The following MYB variants were observed in gnomAD, a reference collection of about 807,000 sequenced individuals.
The protein encoded by MYB is MYB proto-oncogene, transcription factor.
MYB carries 28 observed loss-of-function variants against 92.9 expected under a neutral mutation model. The observed-to-expected ratio is 0.30, with a 90% CI of 0.22 to 0.41. The LOEUF is 0.41. MYB is among the 10% of genes least tolerant of loss of function. The pLI is 1.00. For synonymous variants in MYB, 295 were observed against 329.1 expected (o/e 0.90, Z 1.12); for missense variants, 679 against 929.3 (o/e 0.73, Z 3.50).
intron 3 of MYB, among the ~76,000 whole-genome samples, chr6:135,188,835 A>C (rs1189995567): frequency 6.6e-6 from 1 of 152,012 alleles, no homozygotes. Context: ...CATTCATCCC[A>C]AACACCATTG....
chr6:135,192,279 T>C lies in MYB; in HGVS notation c.528-45T>C, dbSNP rs1233672019. On this transcript the variant is annotated intron_variant, in intron 5 of 15. Transcript: ENST00000341911. ...TTCTGTCAATTCACTTTAATCTGAATTGAAATTTTTGTTTGTGAAATTTGT... is the reference window on the plus strand; with the variant it reads ...TTCTGTCAATTCACTTTAATCTGAACTGAAATTTTTGTTTGTGAAATTTGT... The C allele has an allele frequency of 4.7e-6, 7 of 1,500,570 alleles. No individual in the cohort carries two copies. The African/African-American group carries it at 6.9e-5, about 15-fold the overall frequency. 93.0% of individuals were successfully genotyped at this position (1,500,570 alleles called of 1,614,324 possible).
intron 2 of MYB, among the ~76,000 whole-genome samples, chr6:135,186,742 C>T (rs534258167): frequency 1.3e-5 from 2 of 152,072 alleles, no homozygotes; most frequent in Admixed American, 1.3e-4. Flanking sequence ...GTTTCTTTTT[C>T]GGCTGGCTTA....
At chr6:135,203,694 A>AT (rs1562387730) in intron 15 of MYB, 3 of 1,428,710 alleles carry the variant, frequency 2.1e-6, no homozygotes, top group South Asian at 2.5e-5. Context: ...CAAATTTTTT[A>AT]TTTTTTATGC....
At chr6:135,214,198 C>A (rs1416981117) in intron 15 of MYB, among the ~76,000 whole-genome samples, 1 of 151,998 alleles carries the variant, frequency 6.6e-6, no homozygotes, top group African/African-American at 2.4e-5. Flanking sequence ...GGGAGGCTTG[C>A]TTGAGGCCAG....
intron 15 of MYB, chr6:135,203,602 A>C: frequency 1.2e-6 from 1 of 824,286 alleles, no homozygotes; most frequent in Non-Finnish European, 1.9e-6. Context: ...ACTGAGACTA[A>C]GATGTATTAC....
At chr6:135,200,709 T>A in intron 13 of MYB, 3 of 360,376 alleles carry the variant, frequency 8.3e-6, no homozygotes, top group Non-Finnish European at 1.1e-5. Flanking sequence ...ACTGATTATA[T>A]AAAGTTGATA....
In MYB at chr6:135,190,910, C is replaced by G. The variant is rs545984838; in HGVS notation, c.527+563C>G. Among the ~76,000 whole-genome samples the G allele has an allele frequency of 6.6e-6, 1 of 152,150 alleles. No individual in the cohort carries two copies. The highest frequency in any genetic ancestry group is 1.5e-5 in the Non-Finnish European group (1 of 68,018). ...CTCCTGGGCTCAAGGGATCCTCCCA[C>G]CTCAGCTTCTTGAGTAGCTAGGACT... On this transcript the variant is annotated intron_variant, in intron 5 of 15. Transcript: ENST00000341911. The surrounding 1 kb of genome is among the most constrained non-coding windows in gnomAD (Gnocchi z 4.5).
intron 1 of MYB, 69 bp from the exon 2 acceptor site, chr6:135,185,834 G>A (rs1775837876): frequency 3.2e-6 from 4 of 1,251,120 alleles, no homozygotes; most frequent in African/African-American, 3.0e-5. Context: ...TTTTGTGTAA[G>A]TTTTGTAATC....
chr6:135,189,442 T>G (rs915360040), intron 3 of MYB, among the ~76,000 whole-genome samples: 1 of 152,228 alleles, frequency 6.6e-6, no homozygotes, highest in African/African-American at 2.4e-5. Context: ...CATGAAAGCC[T>G]GACAACATAG....
chr6:135,196,885 ATC>A (rs1010325144), intron 9 of MYB, 74 bp from the exon 10 acceptor site: 7 of 1,585,150 alleles, frequency 4.4e-6, no homozygotes, highest in South Asian at 2.3e-5. Context: ...TGCGTTGAGC[ATC>A]TCTCTCTCAG....
Position 135,217,974 on chromosome 6 carries a change from C to A in MYB, c.2280C>A (p.Val760=). The A allele has an allele frequency of 6.3e-7, 1 of 1,593,898 alleles. No homozygotes were observed. Among genetic ancestry groups the A allele is most frequent in the South Asian group, 1.1e-5 (1 of 90,618 alleles). Residue 760 remains valine, a synonymous_variant, in exon 16 of 16, where the codon GTC becomes GTA. Coordinates refer to ENST00000341911, the MANE Select transcript of MYB (RefSeq NM_001130173.2). ...YVNAFSARTL[V]M Reference sequence around the variant, plus strand: ...ATGCATTCTCAGCCCGGACGCTGGTCATGTGAGACATTTCCAGAAAAGCAT... The same window carrying A: ...ATGCATTCTCAGCCCGGACGCTGGTAATGTGAGACATTTCCAGAAAAGCAT...
In MYB at chr6:135,195,775, G is replaced by C; in HGVS notation, c.976G>C (p.Gly326Arg). ...ACAGAACCACACATGCAGCTACCCC[G>C]GGTGGCACAGCACCACCATTGCCGA... Reference protein sequence around the residue: ...PTQNHTCSYPGWHSTTIADHT... With the variant: ...PTQNHTCSYPRWHSTTIADHT... The change falls in exon 9 of 16, where the codon GGG becomes CGG. Residue 326 changes from glycine (G) to arginine (R), a missense_variant. Transcript: ENST00000341911. 6.2e-7 allele frequency: 1 copy of C among 1,613,918 alleles called. No individual in the cohort carries two copies. Among genetic ancestry groups the C allele is most frequent in the Non-Finnish European group, 8.5e-7 (1 of 1,179,966 alleles).
chr6:135,194,287 G>T, intron 7 of MYB, 69 bp from the exon 8 acceptor site: 1 of 1,200,950 alleles, frequency 8.3e-7, no homozygotes, highest in Non-Finnish European at 1.2e-6. Context: ...GACCATATTG[G>T]CTACACCCAT....
At chr6:135,203,909 G>C in intron 15 of MYB, 3 of 1,150,100 alleles carry the variant, frequency 2.6e-6, no homozygotes, top group Non-Finnish European at 3.3e-6. Flanking sequence ...AAGTGGGTGT[G>C]TGTTGATGAA....
At chr6:135,187,977 G>A (rs989829898) in intron 3 of MYB, 72 bp downstream of exon 3, 8 of 1,116,246 alleles carry the variant, frequency 7.2e-6, no homozygotes, top group East Asian at 2.4e-5. Context: ...ATTCTAGGAG[G>A]AGTTATTAAG....
At chr6:135,210,683 T>C (rs1779586893) in intron 15 of MYB, among the ~76,000 whole-genome samples, 1 of 152,228 alleles carries the variant, frequency 6.6e-6, no homozygotes, top group Admixed American at 6.5e-5. Flanking sequence ...GGCATGACTT[T>C]AATTCATCAA....
intron 15 of MYB, chr6:135,203,802 G>C (rs1416871009): frequency 2.3e-5 from 30 of 1,289,086 alleles, no homozygotes; most frequent in Non-Finnish European, 1.0e-5. Context: ...TTGACTGTCA[G>C]AATAAGAAAG....
chr6:135,199,091 A>G (rs752747913), intron 11 of MYB, 41 bp downstream of exon 11: 1 of 1,466,760 alleles, frequency 6.8e-7, no homozygotes, highest in Non-Finnish European at 9.2e-7. Context: ...TATCTTATTT[A>G]CTTATATTTA....
At chr6:135,205,284 G>A (rs1160623618) in intron 15 of MYB, among the ~76,000 whole-genome samples, 3 of 150,194 alleles carry the variant, frequency 2.0e-5, no homozygotes, top group African/African-American at 7.4e-5. Flanking sequence ...TTGGTTTCTA[G>A]AGAACAGAAT....
Sources: allele counts gnomAD v4.1 joint callset (sites outside exome capture counted in the v4.1 genomes callset), GRCh38; gene constraint gnomAD v4.1.1; non-coding constraint Gnocchi (gnomAD v3.1); transcripts MANE v1.5; gene names NCBI Gene and HGNC (gene_info 2026-07-23, HGNC 2026-07-21).